The following CCDC197 variants were observed in gnomAD, a reference collection of about 807,000 sequenced individuals.
CCDC197 encodes the protein coiled-coil domain containing 197, also known as uncharacterized protein CCDC197.
Under a neutral mutation model 13.4 loss-of-function variants are expected in CCDC197, and 24 were observed. That is an observed-to-expected ratio of 1.80 (90% CI 1.30 to 2.53). The LOEUF is 2.53. Among genes scored for constraint, CCDC197 ranks in the 30% most tolerant of loss-of-function variants. The pLI is 0.00. For missense variants in CCDC197, 255 were observed against 148.8 expected (o/e 1.71, Z -3.71); for synonymous variants, 99 against 55.5 (o/e 1.78, Z -3.48).
At chr14:93,991,733 A>G (rs1890214795) in intron 1 of CCDC197, among the ~76,000 whole-genome samples, 1 of 152,206 alleles carries the variant, frequency 6.6e-6, no homozygotes, top group Admixed American at 6.5e-5. Flanking sequence ...TGAGATGGTC[A>G]GGGAAGGCCA....
chr14:93,996,405 T>TGCCCC (rs1890307473), upstream of CCDC197, among the ~76,000 whole-genome samples: 1 of 152,008 alleles, frequency 6.6e-6, no homozygotes, highest in African/African-American at 2.4e-5. Context: ...CCCCTGCCCC[T>TGCCCC]GCCCCTGAGC....
At chr14:94,000,079 G>C (rs1485899003) in intron 3 of CCDC197, among the ~76,000 whole-genome samples, 2 of 152,180 alleles carry the variant, frequency 1.3e-5, no homozygotes, top group Admixed American at 6.5e-5. Context: ...TATTAACTAA[G>C]AGTATAAGGA....
upstream of CCDC197, chr14:93,997,270 G>A (rs1163206015): frequency 6.6e-6 from 1 of 152,306 alleles, no homozygotes; most frequent in Non-Finnish European, 1.5e-5. Context: ...GCCTGGCTGT[G>A]GCTTTGTGCT....
intron 3 of CCDC197, among the ~76,000 whole-genome samples, chr14:93,999,967 T>A (rs1426688548): frequency 6.6e-6 from 1 of 152,220 alleles, no homozygotes; most frequent in Non-Finnish European, 1.5e-5. Context: ...TCATCCTTTA[T>A]AAGCACAGCA....
At chr14:94,005,363 G>T (rs989359579) in intron 6 of CCDC197, among the ~76,000 whole-genome samples, 2 of 152,132 alleles carry the variant, frequency 1.3e-5, no homozygotes, top group Non-Finnish European at 2.9e-5. Context: ...CAACTTGCAC[G>T]CACGAAGATA....
At position 94,006,358 on chromosome 14, in the gene CCDC197, T is replaced by TG. The variant is rs60867882; in HGVS notation, c.615+1387_615+1388insG. Among the ~76,000 whole-genome samples, 654 of 83,396 alleles carry TG rather than the reference T, an allele frequency of 7.8e-3. 7 individuals are homozygous for TG. The highest frequency in any genetic ancestry group is 0.031 in the African/African-American group (625 of 20,474). The allele number at this position is 83,396 out of a possible 152,430, so 54.7% of individuals were successfully genotyped here. On this transcript the variant is annotated intron_variant, in intron 6 of 6. Transcript: ENST00000636493. The stretch of plus-strand genomic sequence containing the variant: ...CATTAAAAAATTTGATTATTTGTAT[T>TG]TTTTTTTTTTTTGAGACAGAGTCTC...
chr14:93,990,677 C>G (rs555584165), intron 1 of CCDC197, among the ~76,000 whole-genome samples: 1 of 152,298 alleles, frequency 6.6e-6, no homozygotes, highest in South Asian at 2.1e-4. Context: ...GATTGGGGTG[C>G]ACATTGGGGT....
At chr14:93,990,889 T>C (rs1176739965) in intron 1 of CCDC197, among the ~76,000 whole-genome samples, 3 of 152,150 alleles carry the variant, frequency 2.0e-5, no homozygotes, top group Non-Finnish European at 4.4e-5. Flanking sequence ...GCTAATTTCA[T>C]CTCCACAGCA....
chr14:93,992,950 A>T (rs1890235421), upstream of CCDC197, among the ~76,000 whole-genome samples: 1 of 152,084 alleles, frequency 6.6e-6, no homozygotes, highest in South Asian at 2.1e-4. Flanking sequence ...CTAGAAATGG[A>T]AGGAGGGGAT....
chr14:94,009,897 A>T (rs539394052), downstream of CCDC197, among the ~76,000 whole-genome samples: 1 of 152,228 alleles, frequency 6.6e-6, no homozygotes, highest in Non-Finnish European at 1.5e-5. Context: ...AAAATAATTC[A>T]GCTCTAGAGG....
Position 94,003,140 on chromosome 14 carries a change from C to A in CCDC197, c.367-83C>A. On this transcript the variant is annotated intron_variant, in intron 4 of 6. Transcript: ENST00000636493. This position sits in a 1 kb window ranked among gnomAD's most constrained non-coding sequence, Gnocchi z 5.0. ...ATTCCTTCCTCCTATCCTGTCATTG[C>A]ACAGACCACCCTGGGGACTCAGACC... 1.4e-6 allele frequency: 1 copy of A among 707,430 alleles called. No homozygotes were observed. The highest frequency in any genetic ancestry group is 2.6e-6 in the Non-Finnish European group (1 of 382,490). 43.8% of individuals were successfully genotyped at this position (707,430 alleles called of 1,614,324 possible). A position where few individuals can be genotyped will look rare whatever the true frequency, so the allele number is the denominator to read the frequency against.
chr14:93,999,853 C>T (rs1890439922), intron 3 of CCDC197, among the ~76,000 whole-genome samples, 188 bp downstream of exon 3: 2 of 152,188 alleles, frequency 1.3e-5, no homozygotes, highest in African/African-American at 4.8e-5. Context: ...GGTCCCAACT[C>T]CAGCTCCACT....
downstream of CCDC197, among the ~76,000 whole-genome samples, chr14:94,010,596 T>C (rs1345922178): frequency 6.6e-6 from 1 of 152,060 alleles, no homozygotes; most frequent in African/African-American, 2.4e-5. Flanking sequence ...GCACCTCAGG[T>C]AGGGTTTGAG....
At chr14:94,002,851 C>CAAAAAA (rs759127379) in intron 4 of CCDC197, among the ~76,000 whole-genome samples, 1 of 108,054 alleles carries the variant, frequency 9.3e-6, no homozygotes, top group African/African-American at 3.2e-5. Flanking sequence ...GAGACTGTCT[C>CAAAAAA]AAAAAAAAAA....
intron 1 of CCDC197, among the ~76,000 whole-genome samples, chr14:93,991,618 T>G (rs1189525049): frequency 6.6e-6 from 1 of 152,178 alleles, no homozygotes; most frequent in Non-Finnish European, 1.5e-5. Context: ...CTTGACCTCA[T>G]GCAGATCACA....
At chr14:94,004,781 G>C in intron 5 of CCDC197, 74 bp from the exon 6 acceptor site, 1 of 678,950 alleles carries the variant, frequency 1.5e-6, no homozygotes, top group Non-Finnish European at 2.7e-6. Flanking sequence ...TCGCTGGCTG[G>C]AGTGAGCCAG....
rs117603766 is a variant in CCDC197 at position 94,001,134 on chromosome 14, T to G, written c.188-11T>G. ...GCACCCACCCATCCCGCCATGGCGCTGTCTCCGTAGGCTGCACGGGATGGG... is the reference window on the plus strand; with the variant it reads ...GCACCCACCCATCCCGCCATGGCGCGGTCTCCGTAGGCTGCACGGGATGGG... On this transcript the variant is annotated splice_polypyrimidine_tract_variant and intron_variant, in intron 3 of 6. Transcript: ENST00000636493. 1,450 of 767,566 alleles carry G rather than the reference T, an allele frequency of 1.9e-3. 19 individuals are homozygous for G. Among genetic ancestry groups the G allele is most frequent in the East Asian group, 0.015 (607 of 40,656 alleles). 47.5% of individuals were successfully genotyped at this position (767,566 alleles called of 1,614,324 possible). A position where few individuals can be genotyped will look rare whatever the true frequency, so the allele number is the denominator to read the frequency against.
chr14:93,992,662 G>A (rs1248757544), upstream of CCDC197, among the ~76,000 whole-genome samples: 3 of 152,212 alleles, frequency 2.0e-5, no homozygotes, highest in Non-Finnish European at 4.4e-5. Context: ...GGAAGGCCCA[G>A]AACTCCACTG....
At chr14:93,999,851 C>T (rs1419685499) in intron 3 of CCDC197, among the ~76,000 whole-genome samples, 186 bp downstream of exon 3, 1 of 152,190 alleles carries the variant, frequency 6.6e-6, no homozygotes, top group South Asian at 2.1e-4. Flanking sequence ...TTGGTCCCAA[C>T]TCCAGCTCCA....
Sources: gnomAD v4.1 joint callset for allele counts (sites outside exome capture counted in the v4.1 genomes callset) on GRCh38, gnomAD v4.1.1 for gene constraint, Gnocchi (gnomAD v3.1) non-coding constraint, MANE v1.5 for transcripts, NCBI Gene and HGNC (gene_info 2026-07-23, HGNC 2026-07-21) for gene names.